Variants in TNRC6C observed in about 807,000 individuals in gnomAD.
TNRC6C encodes trinucleotide repeat-containing gene 6C protein.
A neutral mutation model predicts 153.7 loss-of-function variants in TNRC6C; 20 were observed. The observed-to-expected ratio is 0.13, with a 90% CI of 0.09 to 0.19. The LOEUF is 0.19. Ranked by LOEUF, TNRC6C falls within the 10% of genes least tolerant of loss-of-function variation. The pLI, the probability that TNRC6C is intolerant of heterozygous loss-of-function variation, is 1.00. For synonymous variants in TNRC6C, 811 were observed against 841.4 expected, an observed-to-expected ratio of 0.96 and a Z score of 0.63; for missense variants, 1,987 against 2,172.0, an observed-to-expected ratio of 0.91 and a Z score of 1.69.
intron 6 of TNRC6C, among the ~76,000 whole-genome samples, chr17:78,072,610 C>G (rs1378737824): frequency 6.6e-6 from 1 of 152,184 alleles, no homozygotes; most frequent in Non-Finnish European, 1.5e-5. Context: ...GGACCAGACA[C>G]AGTGGCTCAC....
chr17:78,085,843 T>G (rs552687445), intron 11 of TNRC6C, among the ~76,000 whole-genome samples: 21 of 88,978 alleles, frequency 2.4e-4, no homozygotes, highest in South Asian at 4.1e-4. Context: ...TGGTTTTTTG[T>G]TTTTTTTTTT....
intron 2 of TNRC6C, 111 bp downstream of exon 4, chr17:78,031,953 A>C (rs2072084253): frequency 1.2e-6 from 1 of 839,430 alleles, no homozygotes; most frequent in African/African-American, 1.8e-5. Flanking sequence ...CACAACATAC[A>C]CAGAGACAGA....
rs138813385 is a variant in TNRC6C at position 78,038,446 on chromosome 17, G to T, written c.-219+6604G>T. On this transcript the variant is annotated intron_variant, in intron 2 of 19. Coordinates refer to ENST00000301624, the Ensembl canonical transcript of TNRC6C. ...CCCAGCACTTTGGGAGGCCGAGGCA[G>T]GTGGATCACGAGTTCAGGAGATTGA... 1.2e-3 allele frequency among the ~76,000 whole-genome samples: 184 copies of T among 152,126 alleles called. 1 individual carries two copies. The highest frequency in any genetic ancestry group is 4.3e-3 in the African/African-American group (179 of 41,512).
chr17:78,032,917 A>G (rs1201966822), intron 2 of TNRC6C, among the ~76,000 whole-genome samples: 1 of 152,232 alleles, frequency 6.6e-6, no homozygotes, highest in African/African-American at 2.4e-5. Flanking sequence ...ATGTAGGTCA[A>G]TGATTGTCAC....
intron 15 of TNRC6C, 52 bp downstream of exon 17, chr17:78,093,176 A>T: frequency 3.2e-6 from 5 of 1,569,550 alleles, no homozygotes; most frequent in Non-Finnish European, 4.3e-6. Flanking sequence ...AATGTGCTCC[A>T]AGCCTGCAGA....
In TNRC6C at chr17:78,093,127, A is replaced by G; in HGVS notation, c.4162+3A>G. 6.2e-7 allele frequency: 1 copy of G among 1,612,038 alleles called. No homozygotes were observed. The highest frequency in any genetic ancestry group is 8.5e-7 in the Non-Finnish European group (1 of 1,179,638). ...CTCTAGCATCAACTGGCCCCCAGGT[A>G]AGACCATGCAACACTTCTGTGCAAC... On this transcript the variant is annotated splice_donor_region_variant and intron_variant, in intron 15 of 19. Coordinates refer to ENST00000301624, the Ensembl canonical transcript of TNRC6C.
At position 78,079,206 on chromosome 17, in the gene TNRC6C, G is replaced by A. The variant is rs556521730; in HGVS notation, c.3211-189G>A. 4.6e-5 allele frequency among the ~76,000 whole-genome samples: 7 copies of A among 151,970 alleles called. No homozygotes were observed. In the East Asian group the frequency reaches 5.8e-4, roughly 13 times the overall value. On this transcript the variant is annotated intron_variant, in intron 9 of 19. Coordinates refer to ENST00000301624, the Ensembl canonical transcript of TNRC6C. The surrounding 1 kb of genome is among the most constrained non-coding windows in gnomAD (Gnocchi z 4.3). ...AGAGGCTACAGTGAGCCAAGACCGC[G>A]CTACTGCACTCCAGTCTGGGTGACA...
intron 1 of TNRC6C, among the ~76,000 whole-genome samples, chr17:77,968,468 A>G (rs1337372137): frequency 6.6e-6 from 1 of 151,488 alleles, no homozygotes; most frequent in Non-Finnish European, 1.5e-5. Context: ...CAGCCTCCCA[A>G]GTAACTGGGA....
intron 3 of TNRC6C, among the ~76,000 whole-genome samples, chr17:78,052,215 A>G (rs1373212797): frequency 6.6e-6 from 1 of 152,212 alleles, no homozygotes; most frequent in Non-Finnish European, 1.5e-5. Flanking sequence ...ATACTAGCCC[A>G]GAGTGGAGGA....
intron 2 of TNRC6C, among the ~76,000 whole-genome samples, chr17:78,033,150 T>C (rs866786991): frequency 5.9e-5 from 9 of 152,236 alleles, no homozygotes; most frequent in South Asian, 2.1e-4. Context: ...CAGCCCTGCC[T>C]GTTCTGGTTG....
chr17:78,023,270 G>A (rs1267032341), intron 1 of TNRC6C, among the ~76,000 whole-genome samples: 1 of 152,220 alleles, frequency 6.6e-6, no homozygotes, highest in Non-Finnish European at 1.5e-5. Context: ...GTCCCTCTTG[G>A]ATACTGAAGG....
chr17:78,071,419 A>G (rs571535147), intron 6 of TNRC6C, among the ~76,000 whole-genome samples: 1 of 152,190 alleles, frequency 6.6e-6, no homozygotes, highest in Admixed American at 6.5e-5. Flanking sequence ...TAGAATAGAA[A>G]ATGCTTTTTT....
intron 2 of TNRC6C, among the ~76,000 whole-genome samples, chr17:78,045,991 A>G (rs1321933982): frequency 6.6e-6 from 1 of 151,954 alleles, no homozygotes; most frequent in Non-Finnish European, 1.5e-5. Flanking sequence ...GGGAACCACA[A>G]TTCAAAAATT....
chr17:77,982,349 T>C (rs1308538074), intron 1 of TNRC6C, among the ~76,000 whole-genome samples: 1 of 152,060 alleles, frequency 6.6e-6, no homozygotes, highest in African/African-American at 2.4e-5. Context: ...AAAAAAATAG[T>C]CACTCAGAAT....
intron 1 of TNRC6C, among the ~76,000 whole-genome samples, chr17:77,978,650 G>C (rs1223662057): frequency 6.6e-6 from 1 of 152,120 alleles, no homozygotes; most frequent in Non-Finnish European, 1.5e-5. Flanking sequence ...AAAAAGCTGA[G>C]GTTGAGCAGC....
chr17:78,056,407 C>G (rs1476515390), intron 3 of TNRC6C, among the ~76,000 whole-genome samples: 1 of 151,762 alleles, frequency 6.6e-6, no homozygotes, highest in Non-Finnish European at 1.5e-5. Context: ...ATCCACCCAC[C>G]TCAGCCTCCC....
intron 16 of TNRC6C, among the ~76,000 whole-genome samples, 166 bp from the exon 19 acceptor site, chr17:78,097,579 G>T (rs1374204975): frequency 6.6e-6 from 1 of 152,188 alleles, no homozygotes; most frequent in Non-Finnish European, 1.5e-5. Flanking sequence ...AGAGTAGGAG[G>T]CATGCCCCGT....
At chr17:78,057,826 T>C (rs1351083942) in intron 3 of TNRC6C, among the ~76,000 whole-genome samples, 1 of 111,446 alleles carries the variant, frequency 9.0e-6, no homozygotes, top group African/African-American at 3.9e-5. Context: ...ATTACATTTT[T>C]GTGTGTGTGT....
chr17:77,963,206 T>C (rs1465340900), intron 1 of TNRC6C, among the ~76,000 whole-genome samples: 3 of 152,242 alleles, frequency 2.0e-5, no homozygotes, highest in Non-Finnish European at 4.4e-5. Flanking sequence ...TAAAGGTTAC[T>C]TGTCAGAAAT....
Sources: allele counts gnomAD v4.1 joint callset (sites outside exome capture counted in the v4.1 genomes callset), GRCh38; gene constraint gnomAD v4.1.1; non-coding constraint Gnocchi (gnomAD v3.1); transcripts MANE v1.5; gene names NCBI Gene and HGNC (gene_info 2026-07-23, HGNC 2026-07-21).